ERGIC1: variants seen among roughly 807,000 people sequenced by gnomAD.
ERGIC1 encodes endoplasmic reticulum-Golgi intermediate compartment protein 1.
ERGIC1 carries 19 observed loss-of-function variants against 38.3 expected under a neutral mutation model. The observed-to-expected ratio is 0.50, with a 90% CI of 0.35 to 0.73. The LOEUF (loss-of-function observed/expected upper bound fraction) is 0.73. Among genes scored for constraint, ERGIC1 ranks in the 30% least tolerant of loss-of-function variants. The pLI is 0.01. For synonymous variants in ERGIC1, 124 were observed against 157.6 expected (o/e 0.79, Z 1.60); for missense variants, 294 against 389.2 (o/e 0.76, Z 2.06).
In ERGIC1 at chr5:172,862,307, C is replaced by CAAAAAAAAAAA. The variant is rs58968820; in HGVS notation, c.21-26377_21-26367dup. On this transcript the variant is annotated intron_variant, in intron 1 of 9. Coordinates refer to ENST00000393784, the MANE Select transcript of ERGIC1 (RefSeq NM_001031711.3). ...TGGGCAACTGAGTGAGACTACATCT[C>CAAAAAAAAAAA]AAAAAAAAAAAAAAAAAAAAAAAAA... Among the ~76,000 whole-genome samples the CAAAAAAAAAAA allele has an allele frequency of 8.1e-5, 4 of 49,486 alleles. 1 individual carries two copies. The highest frequency in any genetic ancestry group is 1.2e-4 in the Non-Finnish European group (4 of 32,002). 32.5% of individuals were successfully genotyped at this position (49,486 alleles called of 152,430 possible).
intron 2 of ERGIC1, among the ~76,000 whole-genome samples, chr5:172,892,060 A>ATTTTTTTTTTTGT (rs372105420): frequency 6.4e-5 from 8 of 125,530 alleles, no homozygotes; most frequent in African/African-American, 2.5e-4. Context: ...GTTAAAGAGT[A>ATTTTTTTTTTTGT]TGTTTTTTTT....
chr5:172,863,907 T>G (rs763114686), intron 1 of ERGIC1, among the ~76,000 whole-genome samples: 47 of 152,042 alleles, frequency 3.1e-4, no homozygotes, highest in Non-Finnish European at 6.5e-4. Flanking sequence ...ACATGAAAAC[T>G]CAACATGGCC....
chr5:172,894,446 G>A (rs940076172), intron 2 of ERGIC1, among the ~76,000 whole-genome samples: 5 of 151,832 alleles, frequency 3.3e-5, no homozygotes, highest in Admixed American at 1.3e-4. Flanking sequence ...CGCCCGCCTC[G>A]GCCTCCCAAA....
intron 2 of ERGIC1, among the ~76,000 whole-genome samples, chr5:172,893,903 A>ATGTGTGTGTG (rs1279828120): frequency 1.9e-3 from 25 of 12,870 alleles, no homozygotes; most frequent in Non-Finnish European, 4.0e-3. Flanking sequence ...ATATATATAT[A>ATGTGTGTGTG]TATGTGTGTG....
At chr5:172,945,809 C>A (rs151050895) in intron 9 of ERGIC1, among the ~76,000 whole-genome samples, 1 of 152,118 alleles carries the variant, frequency 6.6e-6, no homozygotes. Context: ...ATCAGCCTCC[C>A]GAGTAGCTGG....
At chr5:172,852,902 G>A (rs1761448214) in intron 1 of ERGIC1, among the ~76,000 whole-genome samples, 1 of 152,266 alleles carries the variant, frequency 6.6e-6, no homozygotes, top group African/African-American at 2.4e-5. Context: ...TTCCCACAAA[G>A]GACTCTGGCC....
At chr5:172,887,094 C>G (rs1762441377) in intron 1 of ERGIC1, among the ~76,000 whole-genome samples, 1 of 152,322 alleles carries the variant, frequency 6.6e-6, no homozygotes, top group South Asian at 2.1e-4. Context: ...GAGCATGTTT[C>G]ACGTGTAATT....
chr5:172,924,649 G>A (rs555142972), intron 6 of ERGIC1, among the ~76,000 whole-genome samples: 1 of 152,204 alleles, frequency 6.6e-6, no homozygotes. Context: ...ACCGAGGCAG[G>A]TGGAGGGGAG....
chr5:172,849,135 C>G (rs1761344183), intron 1 of ERGIC1, among the ~76,000 whole-genome samples: 2 of 152,220 alleles, frequency 1.3e-5, no homozygotes, highest in African/African-American at 2.4e-5. Context: ...AGACCTGGCT[C>G]AGGGTCATAC....
intron 1 of ERGIC1, among the ~76,000 whole-genome samples, chr5:172,886,145 T>C (rs995668358): frequency 6.6e-6 from 1 of 151,962 alleles, no homozygotes; most frequent in South Asian, 2.1e-4. Flanking sequence ...ACACTTGGTG[T>C]GAGACTCCCT....
chr5:172,914,503 C>T, intron 4 of ERGIC1: 1 of 737,036 alleles, frequency 1.4e-6, no homozygotes. Flanking sequence ...GCCCCGGGAC[C>T]CCTACTATGC....
intron 9 of ERGIC1, among the ~76,000 whole-genome samples, chr5:172,938,597 C>T (rs1265601184): frequency 6.6e-6 from 1 of 151,232 alleles, no homozygotes; most frequent in Non-Finnish European, 1.5e-5. Context: ...AGTTAAAATA[C>T]AAAAATTAGC....
chr5:172,875,104 G>A (rs1032377938), intron 1 of ERGIC1, among the ~76,000 whole-genome samples: 7 of 152,072 alleles, frequency 4.6e-5, no homozygotes, highest in Admixed American at 4.6e-4. Flanking sequence ...GAAAGTCAAG[G>A]GCTTTCCATA....
chr5:172,884,058 G>A (rs764611317), intron 1 of ERGIC1, among the ~76,000 whole-genome samples: 16 of 151,980 alleles, frequency 1.1e-4, no homozygotes, highest in Non-Finnish European at 2.1e-4. Context: ...ATTAATAAGC[G>A]TTTTCTGGGG....
rs1367192743 is a variant in ERGIC1, at chr5:172,848,439, CT to C, written c.20+14008del. On this transcript the variant is annotated intron_variant, in intron 1 of 9. Transcript: ENST00000393784. ...ACTAGTACTCTTCCTCAAAAAAGAT[CT>C]TCCCAGACTGCCTCTTCAACCTAAC... Among the ~76,000 whole-genome samples, 4 of 152,332 alleles carry C rather than the reference CT, an allele frequency of 2.6e-5. No individual in the cohort carries two copies. In the East Asian group the frequency reaches 7.7e-4, roughly 29 times the overall value.
intron 5 of ERGIC1, among the ~76,000 whole-genome samples, chr5:172,921,171 G>T (rs1334762274): frequency 6.6e-6 from 1 of 152,264 alleles, no homozygotes; most frequent in African/African-American, 2.4e-5. Context: ...CGCTGATGGA[G>T]AAACTGAGGC....
At chr5:172,941,982 G>A (rs1220304193) in intron 9 of ERGIC1, among the ~76,000 whole-genome samples, 3 of 152,066 alleles carry the variant, frequency 2.0e-5, no homozygotes, top group African/African-American at 7.2e-5. Flanking sequence ...CGAGGTGGGC[G>A]GATCACAAGG....
chr5:172,945,707 C>G (rs1478099054), intron 9 of ERGIC1, among the ~76,000 whole-genome samples: 5 of 152,088 alleles, frequency 3.3e-5, no homozygotes, highest in African/African-American at 1.2e-4. Context: ...ATTTTGGCAA[C>G]AGAGTCTTGC....
Position 172,897,022 on chromosome 5 carries a change from T to TACATCC in ERGIC1, c.103_104insACATCC (p.Phe35delinsTyrIleLeu). 6.2e-7 allele frequency: 1 copy of TACATCC among 1,614,176 alleles called. No individual in the cohort carries two copies. Among genetic ancestry groups the TACATCC allele is most frequent in the Non-Finnish European group, 8.5e-7 (1 of 1,180,008 alleles). On this transcript the variant is annotated protein_altering_variant, in exon 3 of 10. Transcript: ENST00000393784. ...TCCAGTCTCCATCTGCTGCTGCCTC[T>TACATCC]TCATCCTCTTCCTCTTCCTCTCGGA... is the stretch of plus-strand genomic sequence containing the variant.
Sources: allele counts gnomAD v4.1 joint callset (sites outside exome capture counted in the v4.1 genomes callset), GRCh38; gene constraint gnomAD v4.1.1; transcripts MANE v1.5; gene names NCBI Gene and HGNC (gene_info 2026-07-23, HGNC 2026-07-21).